UGT3A1: variants seen among roughly 807,000 people sequenced by gnomAD.
UGT3A1 encodes UDP-glycosyltransferase 3A1.
UGT3A1 carries 40 observed loss-of-function variants against 37.6 expected under a neutral mutation model. That is an observed-to-expected ratio of 1.06 (90% CI 0.83 to 1.38). UGT3A1 has a LOEUF of 1.38. Among genes scored for constraint, UGT3A1 ranks in the 40% most tolerant of loss-of-function variants. The pLI is 0.00. For missense variants in UGT3A1, 642 were observed against 634.2 expected, an observed-to-expected ratio of 1.01 and a Z score of -0.13; for synonymous variants, 256 against 232.3, an observed-to-expected ratio of 1.10 and a Z score of -0.93.
chr5:35,956,793 G>A (rs1739371665), intron 5 of UGT3A1, among the ~76,000 whole-genome samples: 2 of 152,134 alleles, frequency 1.3e-5, no homozygotes, highest in African/African-American at 4.8e-5. Context: ...TAAACAGGTG[G>A]TCAGAAGGCC....
At chr5:35,969,894 G>A (rs1366079291) in intron 2 of UGT3A1, among the ~76,000 whole-genome samples, 1 of 152,114 alleles carries the variant, frequency 6.6e-6, no homozygotes, top group Non-Finnish European at 1.5e-5. Flanking sequence ...ACCTGTATTA[G>A]TCTGTTTTCA....
chr5:35,983,947 T>C (rs1207173652), intron 2 of UGT3A1, among the ~76,000 whole-genome samples: 1 of 152,092 alleles, frequency 6.6e-6, no homozygotes, highest in Non-Finnish European at 1.5e-5. Flanking sequence ...ACTAAAATCA[T>C]ATCAAATAGC....
intron 2 of UGT3A1, among the ~76,000 whole-genome samples, chr5:35,980,762 A>G (rs954431272): frequency 1.3e-5 from 2 of 152,232 alleles, no homozygotes; most frequent in African/African-American, 2.4e-5. Context: ...CAGAAGAAAG[A>G]CAATTTTACT....
intron 2 of UGT3A1, among the ~76,000 whole-genome samples, chr5:35,979,937 C>T (rs756952612): frequency 3.4e-4 from 51 of 152,192 alleles, no homozygotes; most frequent in Non-Finnish European, 1.8e-4. Context: ...TTTCTTAAGA[C>T]CATCAGGTCT....
rs1337642953 is a variant in UGT3A1, at chr5:35,951,518, G to A, written c.*2684C>T. 1 of 152,114 alleles carries A rather than the reference G, an allele frequency of 6.6e-6. No individual in the cohort carries two copies. Among genetic ancestry groups the A allele is most frequent in the African/African-American group, 2.4e-5 (1 of 41,418 alleles). The allele number at this position is 152,114 out of a possible 1,614,324, so 9.4% of individuals were successfully genotyped here. Reference sequence around the variant, plus strand: ...CTGCTTTTGTTTATTGTAGTTTAAAGCTGAATATTATTTCAGTATGTATAT... The same window carrying A: ...CTGCTTTTGTTTATTGTAGTTTAAAACTGAATATTATTTCAGTATGTATAT... On this transcript the variant is annotated 3_prime_UTR_variant, in exon 7 of 7. Transcript: ENST00000274278.
chr5:35,975,876 G>A (rs1212999972), intron 2 of UGT3A1, among the ~76,000 whole-genome samples: 1 of 152,092 alleles, frequency 6.6e-6, no homozygotes, highest in African/African-American at 2.4e-5. Context: ...TACAGCTACA[G>A]GTGGTGGAAA....
At chr5:35,967,072 G>A (rs1404440685) in intron 3 of UGT3A1, among the ~76,000 whole-genome samples, 1 of 152,030 alleles carries the variant, frequency 6.6e-6, no homozygotes, top group East Asian at 1.9e-4. Context: ...TCACAGGAAG[G>A]CACTGATCCC....
intron 2 of UGT3A1, among the ~76,000 whole-genome samples, chr5:35,971,674 T>C (rs930179043): frequency 1.3e-5 from 2 of 151,960 alleles, no homozygotes; most frequent in African/African-American, 4.8e-5. Flanking sequence ...TCCCACCAAC[T>C]CCCAAACTGC....
chr5:35,983,951 A>G (rs1600182), intron 2 of UGT3A1, among the ~76,000 whole-genome samples: 118,231 of 152,108 alleles, frequency 0.78, 46,117 homozygotes, highest in South Asian at 0.85. Context: ...AAATCATATC[A>G]AATAGCAAAA....
At chr5:35,979,682 C>T (rs553632001) in intron 2 of UGT3A1, among the ~76,000 whole-genome samples, 1 of 152,366 alleles carries the variant, frequency 6.6e-6, no homozygotes, top group South Asian at 2.1e-4. Flanking sequence ...TCCAAAGTCA[C>T]TTCCACATTT....
chr5:35,973,023 A>G (rs1161149404), intron 2 of UGT3A1, among the ~76,000 whole-genome samples: 1 of 152,168 alleles, frequency 6.6e-6, no homozygotes, highest in Admixed American at 6.5e-5. Context: ...CAAGGCAATG[A>G]TCAGGAAAGG....
chr5:35,972,825 A>G (rs1335333477), intron 2 of UGT3A1, among the ~76,000 whole-genome samples: 1 of 152,038 alleles, frequency 6.6e-6, no homozygotes, highest in African/African-American at 2.4e-5. Context: ...GAATGAGATC[A>G]AGGCTTTAAA....
chr5:35,988,622 G>A, intron 1 of UGT3A1, 71 bp from the exon 2 acceptor site: 1 of 1,175,542 alleles, frequency 8.5e-7, no homozygotes, highest in African/African-American at 1.5e-5. Flanking sequence ...GGAGTAGGCA[G>A]GAGGGAATGG....
At chr5:35,990,123 A>C (rs985258315) in intron 1 of UGT3A1, among the ~76,000 whole-genome samples, 2 of 151,984 alleles carry the variant, frequency 1.3e-5, no homozygotes, top group East Asian at 3.9e-4. Context: ...GAAAATCCTT[A>C]GTGAAAACGG....
Position 35,955,706 on chromosome 5 carries a change from A to G in UGT3A1, c.1234T>C (p.Leu412=). ...AGTGTGTCGGCTGTGACCTGATTCAACCGGATAGAGACACCATAATTTTTG... is the reference window on the plus strand; with the variant it reads ...AGTGTGTCGGCTGTGACCTGATTCAGCCGGATAGAGACACCATAATTTTTG... ...VAKNYGVSIR[L]NQVTADTLTL... Residue 412 remains leucine, a synonymous_variant, in exon 6 of 7, where the codon TTG becomes CTG. Transcript: ENST00000274278. The G allele has an allele frequency of 6.2e-7, 1 of 1,614,190 alleles. No individual in the cohort carries two copies. The highest frequency in any genetic ancestry group is 8.5e-7 in the Non-Finnish European group (1 of 1,180,050).
At chr5:35,987,910 A>C (rs898023626) in intron 2 of UGT3A1, among the ~76,000 whole-genome samples, 5 of 152,222 alleles carry the variant, frequency 3.3e-5, no homozygotes, top group African/African-American at 1.2e-4. Flanking sequence ...GAAATGAATC[A>C]ATTAAAAACT....
chr5:35,957,559 C>T (rs972448901), intron 4 of UGT3A1, 140 bp from the exon 5 acceptor site: 22 of 697,376 alleles, frequency 3.2e-5, no homozygotes, highest in Non-Finnish European at 5.1e-5. Context: ...TATTATGGCT[C>T]CTGGCACAGC....
intron 1 of UGT3A1, 33 bp from the exon 2 acceptor site, chr5:35,988,584 T>C (rs750690436): frequency 2.7e-5 from 42 of 1,533,532 alleles, no homozygotes; most frequent in Admixed American, 1.9e-5. Flanking sequence ...TTTGTAAAGA[T>C]GAAAATAGAG....
chr5:35,986,375 T>C (rs764152328), intron 2 of UGT3A1, among the ~76,000 whole-genome samples: 1 of 152,160 alleles, frequency 6.6e-6, no homozygotes, highest in Non-Finnish European at 1.5e-5. Flanking sequence ...TTCATTCCCA[T>C]GTTTATTGCA....
Sources: gnomAD v4.1 joint callset for allele counts (sites outside exome capture counted in the v4.1 genomes callset) on GRCh38, gnomAD v4.1.1 for gene constraint, MANE v1.5 for transcripts, NCBI Gene and HGNC (gene_info 2026-07-23, HGNC 2026-07-21) for gene names.